SMYD3: variants seen among roughly 807,000 people sequenced by gnomAD.
The protein encoded by SMYD3 is SET and MYND domain containing 3.
Under a neutral mutation model 57.7 loss-of-function variants are expected in SMYD3, and 36 were observed. That is an observed-to-expected ratio of 0.62 (90% confidence interval 0.48 to 0.82). SMYD3 has a LOEUF of 0.82. Among genes scored for constraint, SMYD3 ranks in the 40% least tolerant of loss-of-function variants. The pLI is 0.00. For missense variants in SMYD3, 515 were observed against 538.8 expected (o/e 0.96, Z 0.44); for synonymous variants, 211 against 195.0 (o/e 1.08, Z -0.68).
chr1:246,471,056 T>C (rs905644712), intron 1 of SMYD3, among the ~76,000 whole-genome samples: 1 of 152,076 alleles, frequency 6.6e-6, no homozygotes, highest in Non-Finnish European at 1.5e-5. Context: ...ATAGAGCAAA[T>C]GTTAAAATTT....
At chr1:246,273,338 C>T (rs148155109) in intron 5 of SMYD3, among the ~76,000 whole-genome samples, 1,933 of 151,042 alleles carry the variant, frequency 0.013, 52 homozygotes, top group African/African-American at 0.044. Context: ...TTGGTAAAGA[C>T]GGGGTTTCAC....
At chr1:246,232,651 AG>A (rs2063432460) in intron 5 of SMYD3, among the ~76,000 whole-genome samples, 1 of 133,386 alleles carries the variant, frequency 7.5e-6, no homozygotes, top group South Asian at 3.0e-4. Flanking sequence ...TTCCACACAG[AG>A]GAGAAGCACT....
chr1:245,813,392 T>C (rs1374952697), intron 10 of SMYD3, among the ~76,000 whole-genome samples: 1 of 152,098 alleles, frequency 6.6e-6, no homozygotes, highest in Non-Finnish European at 1.5e-5. Context: ...GCAAACCTCC[T>C]TCCCCCAGGT....
intron 1 of SMYD3, among the ~76,000 whole-genome samples, chr1:246,490,145 AT>A (rs2068247779): frequency 6.6e-6 from 1 of 151,084 alleles, no homozygotes; most frequent in South Asian, 2.1e-4. Flanking sequence ...GACTTAAGTC[AT>A]TTTCATAGAT....
At chr1:246,291,336 A>G (rs61656119) in intron 5 of SMYD3, among the ~76,000 whole-genome samples, 3,629 of 152,296 alleles carry the variant, frequency 0.024, 153 homozygotes, top group African/African-American at 0.082. Flanking sequence ...AGTTGCATGG[A>G]AAGTATAATT....
At chr1:245,993,735 G>T (rs1014815815) in intron 5 of SMYD3, among the ~76,000 whole-genome samples, 2 of 152,250 alleles carry the variant, frequency 1.3e-5, no homozygotes, top group East Asian at 1.9e-4. Context: ...GGATGCCAGG[G>T]CTGGGGGAAT....
At chr1:245,847,263 G>A (rs1421631601) in intron 10 of SMYD3, among the ~76,000 whole-genome samples, 1 of 152,072 alleles carries the variant, frequency 6.6e-6, no homozygotes, top group Non-Finnish European at 1.5e-5. Context: ...ACCTCTTACT[G>A]CTCATTATAA....
chr1:246,128,656 C>A (rs1056023258), intron 5 of SMYD3, among the ~76,000 whole-genome samples: 1 of 152,162 alleles, frequency 6.6e-6, no homozygotes, highest in Non-Finnish European at 1.5e-5. Flanking sequence ...CCCTCAAGCC[C>A]AGGCAGTCTG....
intron 5 of SMYD3, among the ~76,000 whole-genome samples, chr1:246,181,718 G>T (rs79805286): frequency 6.6e-6 from 1 of 152,130 alleles, no homozygotes; most frequent in East Asian, 1.9e-4. Context: ...CTTAAGATGC[G>T]TTCAAGAGGA....
At position 246,058,082 on chromosome 1, in the gene SMYD3, G is replaced by C. The variant is rs942044901; in HGVS notation, c.532-128145C>G. Reference sequence around the variant, plus strand: ...ACGGTAAAAAGATCAGCGGTTGCCAGGGATGAGAGTTGAGAGAGAGATGAA... The same window carrying C: ...ACGGTAAAAAGATCAGCGGTTGCCACGGATGAGAGTTGAGAGAGAGATGAA... On this transcript the variant is annotated intron_variant, in intron 5 of 11. Transcript: ENST00000490107. Among the ~76,000 whole-genome samples, 6 of 148,188 alleles carry C rather than the reference G, an allele frequency of 4.0e-5. 1 individual carries two copies. In the Middle Eastern group the frequency reaches 0.014, roughly 350 times the overall value.
chr1:246,311,669 A>G (rs1322641368), intron 5 of SMYD3, among the ~76,000 whole-genome samples: 1 of 152,176 alleles, frequency 6.6e-6, no homozygotes, highest in Non-Finnish European at 1.5e-5. Context: ...ACGCGCGCAC[A>G]CACACGCACA....
intron 1 of SMYD3, among the ~76,000 whole-genome samples, chr1:246,359,673 T>C (rs185061716): frequency 6.6e-6 from 1 of 152,188 alleles, no homozygotes; most frequent in East Asian, 1.9e-4. Flanking sequence ...ATAACTCAAA[T>C]GTGATATGCC....
chr1:246,239,453 T>A (rs1414083402), intron 5 of SMYD3, among the ~76,000 whole-genome samples: 1 of 152,190 alleles, frequency 6.6e-6, no homozygotes, highest in Non-Finnish European at 1.5e-5. Context: ...CTGCATAGTA[T>A]TCCATGGCGT....
In SMYD3 at chr1:246,171,604, T is replaced by C. The variant is rs186413139; in HGVS notation, c.531+155597A>G. Among the ~76,000 whole-genome samples, 5 of 152,342 alleles carry C rather than the reference T, an allele frequency of 3.3e-5. No homozygotes were observed. In the East Asian group the frequency reaches 9.6e-4, roughly 29 times the overall value. On this transcript the variant is annotated intron_variant, in intron 5 of 11. Coordinates refer to ENST00000490107, the MANE Select transcript of SMYD3 (RefSeq NM_001167740.2). Reference sequence around the variant, plus strand: ...GCTACATGATATTGCCTATTGCTCCTAGGCTACAAACCTGTACAGTATGTT... The same window carrying C: ...GCTACATGATATTGCCTATTGCTCCCAGGCTACAAACCTGTACAGTATGTT...
intron 1 of SMYD3, among the ~76,000 whole-genome samples, chr1:246,441,287 A>G (rs79165359): frequency 0.043 from 6,552 of 152,256 alleles, 385 homozygotes; most frequent in East Asian, 0.23. Flanking sequence ...TCTTTGTTTC[A>G]AGGTCATTTC....
chr1:246,421,178 T>A (rs896243912), intron 1 of SMYD3, among the ~76,000 whole-genome samples: 1 of 152,200 alleles, frequency 6.6e-6, no homozygotes, highest in Non-Finnish European at 1.5e-5. Flanking sequence ...AGGAAGAAGC[T>A]TCTTTAATAT....
At chr1:246,153,105 C>CTCAAGCACCAAGCCTCTGCGTGTG (rs2061969372) in intron 5 of SMYD3, among the ~76,000 whole-genome samples, 2 of 152,120 alleles carry the variant, frequency 1.3e-5, no homozygotes, top group Non-Finnish European at 2.9e-5. Flanking sequence ...CAACTGTCTA[C>CTCAAGCACCAAGCCTCTGCGTGTG]TCAAGCACCA....
chr1:245,947,221 T>C (rs1297071334), intron 5 of SMYD3, among the ~76,000 whole-genome samples: 2 of 152,138 alleles, frequency 1.3e-5, no homozygotes, highest in Non-Finnish European at 2.9e-5. Context: ...GAGAGAGATA[T>C]TCTCTCCTAA....
chr1:246,275,319 A>G (rs977908342), intron 5 of SMYD3, among the ~76,000 whole-genome samples: 2 of 152,238 alleles, frequency 1.3e-5, no homozygotes, highest in South Asian at 2.1e-4. Context: ...CTCCTGGCCA[A>G]CAACAAAGAT....
Sources: allele counts gnomAD v4.1 joint callset (sites outside exome capture counted in the v4.1 genomes callset), GRCh38; gene constraint gnomAD v4.1.1; transcripts MANE v1.5; gene names NCBI Gene and HGNC (gene_info 2026-07-23, HGNC 2026-07-21).